SORCS2: variants seen among roughly 807,000 people sequenced by gnomAD.
The protein encoded by SORCS2 is sortilin related VPS10 domain containing receptor 2.
A neutral mutation model predicts 141.6 loss-of-function variants in SORCS2; 100 were observed. The observed-to-expected ratio is 0.71, with a 90% CI of 0.60 to 0.83. SORCS2 has a LOEUF of 0.83. Among genes scored for constraint, SORCS2 ranks in the 40% least tolerant of loss-of-function variants. SORCS2 has a pLI of 0.00. For synonymous variants in SORCS2, 789 were observed against 676.9 expected, an observed-to-expected ratio of 1.17 and a Z score of -2.57; for missense variants, 1,646 against 1,560.2, an observed-to-expected ratio of 1.05 and a Z score of -0.93.
Position 7,474,079 on chromosome 4 carries a change from C to T in SORCS2, c.549-57451C>T, listed in dbSNP as rs150892437. 4.8e-3 allele frequency among the ~76,000 whole-genome samples: 735 copies of T among 152,282 alleles called. 1 individual carries two copies. Among genetic ancestry groups the T allele is most frequent in the Middle Eastern group, 0.01 (3 of 294 alleles). On this transcript the variant is annotated intron_variant, in intron 2 of 26. Transcript: ENST00000507866. Reference sequence around the variant, plus strand: ...CTCCCTGGTCGGTTGATGGCCTCCCCCTCAGAGCTGGGGACTCTGTGGTTG... The same window carrying T: ...CTCCCTGGTCGGTTGATGGCCTCCCTCTCAGAGCTGGGGACTCTGTGGTTG...
chr4:7,431,930 C>T (rs1262088469), intron 2 of SORCS2: 1 of 152,280 alleles, frequency 6.6e-6, no homozygotes, highest in Non-Finnish European at 1.5e-5. Context: ...CCATGGGCCT[C>T]AGGTGAAATA....
At chr4:7,354,263 C>A (rs551762741) in intron 1 of SORCS2, among the ~76,000 whole-genome samples, 2 of 152,294 alleles carry the variant, frequency 1.3e-5, no homozygotes, top group East Asian at 3.9e-4. Flanking sequence ...ACACTCACCT[C>A]AATGTGAGCT....
At chr4:7,589,283 C>G (rs763074186) in intron 3 of SORCS2, among the ~76,000 whole-genome samples, 7 of 152,136 alleles carry the variant, frequency 4.6e-5, no homozygotes, top group Non-Finnish European at 7.3e-5. Context: ...GGAGGGACTT[C>G]GGGCATAGAA....
At chr4:7,354,233 G>A (rs1721116668) in intron 1 of SORCS2, among the ~76,000 whole-genome samples, 1 of 152,114 alleles carries the variant, frequency 6.6e-6, no homozygotes. Context: ...CAGTAGAGAG[G>A]GTCAGTAGGA....
intron 15 of SORCS2, among the ~76,000 whole-genome samples, chr4:7,713,983 C>T (rs1726004104): frequency 6.6e-6 from 1 of 152,236 alleles, no homozygotes; most frequent in African/African-American, 2.4e-5. Context: ...GGCTGCACTT[C>T]CAGCAGCTCT....
At chr4:7,484,332 C>A (rs1380871931) in intron 2 of SORCS2, among the ~76,000 whole-genome samples, 1 of 152,212 alleles carries the variant, frequency 6.6e-6, no homozygotes, top group Non-Finnish European at 1.5e-5. Context: ...TACATTTTCA[C>A]ATTTCTTCAT....
At chr4:7,226,762 C>T (rs1729014753) in intron 1 of SORCS2, among the ~76,000 whole-genome samples, 2 of 152,064 alleles carry the variant, frequency 1.3e-5, no homozygotes, top group Non-Finnish European at 1.5e-5. Context: ...GACCCTGCTC[C>T]GTTGGTGGGG....
chr4:7,444,433 A>C (rs1347566799), intron 2 of SORCS2, among the ~76,000 whole-genome samples: 1 of 152,222 alleles, frequency 6.6e-6, no homozygotes, highest in Non-Finnish European at 1.5e-5. Flanking sequence ...ATTTGAGTGT[A>C]AACTTGGAGG....
intron 1 of SORCS2, among the ~76,000 whole-genome samples, chr4:7,362,805 TCATTACCAC>T (rs1300144438): frequency 4.6e-5 from 7 of 151,654 alleles, no homozygotes; most frequent in African/African-American, 1.7e-4. Flanking sequence ...GCCATCACCA[TCATTACCAC>T]CAACACCACC....
chr4:7,551,090 G>A (rs1295523140), intron 3 of SORCS2, among the ~76,000 whole-genome samples: 1 of 152,180 alleles, frequency 6.6e-6, no homozygotes, highest in East Asian at 1.9e-4. Flanking sequence ...TAGAAGTTCT[G>A]CCTAGCCCAT....
chr4:7,426,215 G>C (rs1726426468), intron 2 of SORCS2, among the ~76,000 whole-genome samples: 1 of 152,216 alleles, frequency 6.6e-6, no homozygotes. Context: ...CCTTGTGGGG[G>C]GAAGCCCTGG....
In SORCS2 at chr4:7,718,096, G is replaced by T. The variant is rs747673141; in HGVS notation, c.2337G>T (p.Pro779=). The T allele has an allele frequency of 2.5e-6, 4 of 1,611,484 alleles. No individual in the cohort carries two copies. Among genetic ancestry groups the T allele is most frequent in the Non-Finnish European group, 3.4e-6 (4 of 1,179,080 alleles). ...TGCAGCTGCAGTGCCCCCTCACGCC[G>T]CCCCGGGGCCTGCAGGTCAGCATTC... The part of the protein sequence containing the change: ...SQVQLQCPLT[P]PRGLQVSIQG... Residue 779 remains proline, a synonymous_variant, in exon 18 of 27, where the codon CCG becomes CCT. Transcript: ENST00000507866.
intron 1 of SORCS2, among the ~76,000 whole-genome samples, chr4:7,249,304 C>G (rs1413115679): frequency 6.6e-6 from 1 of 152,110 alleles, no homozygotes; most frequent in Non-Finnish European, 1.5e-5. Flanking sequence ...CCTGCAGCCT[C>G]TTCATGTGGC....
rs181557210 is a variant in SORCS2, at chr4:7,364,152, G to A, written c.481-32136G>A. Among the ~76,000 whole-genome samples the A allele has an allele frequency of 1.7e-3, 259 of 152,184 alleles. 1 individual carries two copies. Among genetic ancestry groups the A allele is most frequent in the Non-Finnish European group, 2.4e-3 (163 of 68,008 alleles). ...CCACCACATCATCATCATCATTATT[G>A]TCATCATCTGTACAATTTGTGAAGC... On this transcript the variant is annotated intron_variant, in intron 1 of 26. Transcript: ENST00000507866.
intron 2 of SORCS2, among the ~76,000 whole-genome samples, chr4:7,491,311 C>T (rs1025146384): frequency 6.6e-6 from 1 of 152,186 alleles, no homozygotes; most frequent in Non-Finnish European, 1.5e-5. Context: ...AGTTGTGGTG[C>T]TGGGTGGCCC....
intron 11 of SORCS2, among the ~76,000 whole-genome samples, chr4:7,689,840 G>A (rs1560485669): frequency 6.6e-6 from 1 of 150,482 alleles, no homozygotes; most frequent in Non-Finnish European, 1.5e-5. Flanking sequence ...ATGAATGGAT[G>A]GATGGACAGA....
intron 3 of SORCS2, among the ~76,000 whole-genome samples, chr4:7,555,135 A>G (rs528091648): frequency 2.0e-5 from 3 of 152,126 alleles, no homozygotes; most frequent in Admixed American, 2.0e-4. Context: ...ACCTCCAAAG[A>G]CCTCTTCAGG....
intron 1 of SORCS2, among the ~76,000 whole-genome samples, chr4:7,272,635 G>C (rs1352688762): frequency 6.6e-6 from 1 of 152,232 alleles, no homozygotes; most frequent in Non-Finnish European, 1.5e-5. Context: ...GAGCTGGCCT[G>C]GGAAGCATCT....
intron 17 of SORCS2, among the ~76,000 whole-genome samples, chr4:7,717,688 T>A (rs1448033352): frequency 1.3e-5 from 2 of 151,996 alleles, no homozygotes; most frequent in East Asian, 3.9e-4. Flanking sequence ...ACTGGCTGCT[T>A]AAACAGCCCC....
Sources: gnomAD v4.1 joint callset for allele counts (sites outside exome capture counted in the v4.1 genomes callset) on GRCh38, gnomAD v4.1.1 for gene constraint, MANE v1.5 for transcripts, NCBI Gene and HGNC (gene_info 2026-07-23, HGNC 2026-07-21) for gene names.